The following NTM variants were observed in gnomAD, a reference collection of about 807,000 sequenced individuals.
NTM encodes IgLON family member 2.
NTM carries 13 observed loss-of-function variants against 42.1 expected under a neutral mutation model. The observed-to-expected ratio is 0.31, with a 90% CI of 0.20 to 0.49. The LOEUF (loss-of-function observed/expected upper bound fraction) is 0.49. NTM is among the 20% of genes least tolerant of loss of function. The pLI is 0.99. For missense variants in NTM, 373 were observed against 452.8 expected (o/e 0.82, Z 1.60); for synonymous variants, 187 against 179.2 (o/e 1.04, Z -0.35).
At chr11:131,490,063 G>A (rs1219606238) in intron 1 of NTM, among the ~76,000 whole-genome samples, 1 of 152,172 alleles carries the variant, frequency 6.6e-6, no homozygotes, top group East Asian at 1.9e-4. Flanking sequence ...GCAAGGGTTG[G>A]GGGAGGTGCC....
chr11:131,513,529 G>A (rs1317198312), intron 1 of NTM, among the ~76,000 whole-genome samples: 1 of 152,232 alleles, frequency 6.6e-6, no homozygotes, highest in Admixed American at 6.5e-5. Flanking sequence ...GTTTCTTGGA[G>A]ACAGGATTAA....
intron 1 of NTM, among the ~76,000 whole-genome samples, chr11:131,493,577 T>C (rs1472375859): frequency 1.3e-5 from 2 of 152,204 alleles, no homozygotes; most frequent in Non-Finnish European, 2.9e-5. Flanking sequence ...TAGCTGCCAT[T>C]GGCTCATGGC....
intron 7 of NTM, among the ~76,000 whole-genome samples, chr11:132,322,335 T>C (rs887461399): frequency 6.6e-6 from 1 of 150,940 alleles, no homozygotes; most frequent in South Asian, 2.1e-4. Flanking sequence ...TGGAGGAAGA[T>C]CTACCAAGCA....
intron 2 of NTM, among the ~76,000 whole-genome samples, chr11:132,058,703 C>A (rs1192543552): frequency 6.6e-6 from 1 of 152,178 alleles, no homozygotes; most frequent in African/African-American, 2.4e-5. Context: ...TTTAGCAAGC[C>A]ACCTAAAACA....
chr11:131,468,249 A>G (rs1044164915), intron 1 of NTM, among the ~76,000 whole-genome samples: 1 of 152,224 alleles, frequency 6.6e-6, no homozygotes, highest in African/African-American at 2.4e-5. Context: ...AACACCCCAT[A>G]TGACAAAGCC....
chr11:132,325,733 C>A (rs2095665370), intron 7 of NTM, among the ~76,000 whole-genome samples: 1 of 152,172 alleles, frequency 6.6e-6, no homozygotes. Context: ...TTTATTGTGG[C>A]ACTATTCACA....
At chr11:131,719,650 G>A (rs1479977417) in intron 1 of NTM, among the ~76,000 whole-genome samples, 3 of 152,120 alleles carry the variant, frequency 2.0e-5, no homozygotes, top group Non-Finnish European at 4.4e-5. Context: ...GTGATTCCAA[G>A]CTAAATGTGC....
intron 1 of NTM, among the ~76,000 whole-genome samples, chr11:131,794,230 T>C (rs2091293988): frequency 6.6e-6 from 1 of 152,064 alleles, no homozygotes; most frequent in Admixed American, 6.5e-5. Context: ...GGGTAGATCA[T>C]CTCTGCACCT....
intron 4 of NTM, among the ~76,000 whole-genome samples, chr11:132,276,901 G>C (rs556185742): frequency 3.9e-5 from 6 of 152,164 alleles, no homozygotes; most frequent in South Asian, 2.1e-4. Flanking sequence ...ACTATCCGAG[G>C]TGTAGGGGTG....
intron 4 of NTM, among the ~76,000 whole-genome samples, chr11:132,258,426 T>C (rs1419102429): frequency 6.6e-6 from 1 of 152,164 alleles, no homozygotes; most frequent in Non-Finnish European, 1.5e-5. Context: ...TGTTGCCAAA[T>C]ACTTGGGCAG....
At chr11:131,920,068 G>C (rs2056999435) in intron 2 of NTM, among the ~76,000 whole-genome samples, 1 of 152,168 alleles carries the variant, frequency 6.6e-6, no homozygotes, top group Non-Finnish European at 1.5e-5. Flanking sequence ...GACAGTTCAT[G>C]GCTCTGAAGA....
chr11:131,661,791 C>A (rs536697028), intron 1 of NTM, among the ~76,000 whole-genome samples: 1 of 152,092 alleles, frequency 6.6e-6, no homozygotes, highest in South Asian at 2.1e-4. Flanking sequence ...TGCCAACAAT[C>A]CACTGATATA....
rs1438604193 is a variant in NTM at position 132,275,726 on chromosome 11, G to GTA, written c.527-31956_527-31955dup. On this transcript the variant is annotated intron_variant, in intron 4 of 8. Coordinates refer to ENST00000683400, the MANE Select transcript of NTM (RefSeq NM_001352005.2). ...TGTATATATATATGTATATATATAC[G>GTA]TATATATACGTATATATATATGTGT... 2.6e-3 allele frequency among the ~76,000 whole-genome samples: 210 copies of GTA among 80,712 alleles called. 1 individual carries two copies. The highest frequency in any genetic ancestry group is 8.2e-3 in the Middle Eastern group (1 of 122). The allele number at this position is 80,712 out of a possible 152,430, so 53.0% of individuals were successfully genotyped here.
chr11:132,035,625 G>A (rs1160171112), intron 2 of NTM, among the ~76,000 whole-genome samples: 1 of 152,082 alleles, frequency 6.6e-6, no homozygotes, highest in African/African-American at 2.4e-5. Flanking sequence ...TGGGCTATTG[G>A]CATGTGTGTG....
At chr11:132,187,886 C>T (rs1026667163) in intron 3 of NTM, among the ~76,000 whole-genome samples, 1 of 152,168 alleles carries the variant, frequency 6.6e-6, no homozygotes, top group Admixed American at 6.5e-5. Context: ...GAGAGTGATA[C>T]GTAGGAGAAA....
chr11:131,525,237 G>A (rs908445279), intron 1 of NTM, among the ~76,000 whole-genome samples: 5 of 150,812 alleles, frequency 3.3e-5, no homozygotes, highest in African/African-American at 1.0e-4. Context: ...CTGGGCAGCT[G>A]AGCAACAATC....
intron 3 of NTM, among the ~76,000 whole-genome samples, chr11:132,151,536 A>G (rs1426570064): frequency 6.6e-6 from 1 of 152,244 alleles, no homozygotes; most frequent in East Asian, 1.9e-4. Flanking sequence ...GTAATAAAAA[A>G]TGTTAAAAAA....
intron 2 of NTM, among the ~76,000 whole-genome samples, chr11:131,994,779 T>C (rs1031809071): frequency 2.6e-5 from 4 of 152,174 alleles, no homozygotes; most frequent in Non-Finnish European, 4.4e-5. Flanking sequence ...CAGCTGCTGT[T>C]TGGATATTTC....
intron 3 of NTM, among the ~76,000 whole-genome samples, chr11:132,188,517 C>T (rs918599098): frequency 3.3e-5 from 5 of 152,114 alleles, no homozygotes; most frequent in Non-Finnish European, 7.3e-5. Flanking sequence ...GAACTTACGC[C>T]GGTCTCTAAA....
Sources: allele counts gnomAD v4.1 joint callset (sites outside exome capture counted in the v4.1 genomes callset), GRCh38; gene constraint gnomAD v4.1.1; transcripts MANE v1.5; gene names NCBI Gene and HGNC (gene_info 2026-07-23, HGNC 2026-07-21).